HDAC4: variants seen among roughly 807,000 people sequenced by gnomAD.
The protein encoded by HDAC4 is histone deacetylase 4, also known as histone deacetylase A.
HDAC4 carries 16 observed loss-of-function variants against 135.1 expected under a neutral mutation model. The ratio of observed to expected loss-of-function variants is 0.12; its 90% CI spans 0.08 to 0.18. The LOEUF (loss-of-function observed/expected upper bound fraction) is 0.18. HDAC4 is among the 10% of genes least tolerant of loss of function. The pLI, the probability that HDAC4 is intolerant of heterozygous loss-of-function variation, is 1.00. For synonymous variants in HDAC4, 685 were observed against 653.4 expected (o/e 1.05, Z -0.74); for missense variants, 1,143 against 1,511.8 (o/e 0.76, Z 4.05).
At chr2:239,296,768 G>A (rs2051920097) in intron 2 of HDAC4, among the ~76,000 whole-genome samples, 1 of 152,156 alleles carries the variant, frequency 6.6e-6, no homozygotes, top group African/African-American at 2.4e-5. Context: ...GGGAGCATGG[G>A]AACCAGGACT....
At chr2:239,121,739 C>A (rs1347722622) in intron 12 of HDAC4, among the ~76,000 whole-genome samples, 2 of 152,244 alleles carry the variant, frequency 1.3e-5, no homozygotes, top group African/African-American at 4.8e-5. Context: ...AGTGGTGCCA[C>A]GTCAGAGCCC....
chr2:239,062,410 G>A (rs1309422185), intron 24 of HDAC4, among the ~76,000 whole-genome samples: 2 of 152,242 alleles, frequency 1.3e-5, no homozygotes, highest in East Asian at 1.9e-4. Context: ...AAAGGCTGCC[G>A]GGCAGAGGGG....
intron 1 of HDAC4, among the ~76,000 whole-genome samples, chr2:239,397,997 C>T (rs951842018): frequency 1.3e-5 from 2 of 152,236 alleles, no homozygotes; most frequent in Non-Finnish European, 2.9e-5. Flanking sequence ...CTGCCAACAA[C>T]AGGGCAGGGG....
chr2:239,053,762 GGCTACAAACTCACAA>G (rs1389809690), intron 25 of HDAC4, among the ~76,000 whole-genome samples, 161 bp from the exon 26 acceptor site: 1 of 152,180 alleles, frequency 6.6e-6, no homozygotes, highest in African/African-American at 2.4e-5. Context: ...AAGACTGCAT[GGCTACAAACTCACAA>G]AGACCCAAAA....
At chr2:239,114,669 CCCTG>C (rs1394923356) in intron 13 of HDAC4, among the ~76,000 whole-genome samples, 4 of 152,176 alleles carry the variant, frequency 2.6e-5, no homozygotes, top group East Asian at 1.9e-4. Flanking sequence ...TCTGATCAGG[CCCTG>C]CCTGCCTTTT....
rs149051053 is a variant in HDAC4 at position 239,254,778 on chromosome 2, G to T, written c.23-18114C>A. Among the ~76,000 whole-genome samples, 546 of 152,326 alleles carry T rather than the reference G, an allele frequency of 3.6e-3. 3 individuals carry two copies. Among genetic ancestry groups the T allele is most frequent in the African/African-American group, 0.012 (507 of 41,576 alleles). ...CAGAATTCAGACATAACAGTCCTTAGATTTAAGAAGCATGCTAAGTCTCTA... is the reference window on the plus strand; with the variant it reads ...CAGAATTCAGACATAACAGTCCTTATATTTAAGAAGCATGCTAAGTCTCTA... On this transcript the variant is annotated intron_variant, in intron 2 of 26. Coordinates refer to ENST00000543185, the MANE Select transcript of HDAC4 (RefSeq NM_001378414.1).
intron 1 of HDAC4, among the ~76,000 whole-genome samples, chr2:239,389,506 A>G (rs1575799336): frequency 6.6e-6 from 1 of 152,256 alleles, no homozygotes; most frequent in South Asian, 2.1e-4. Context: ...AAAGGTCTGC[A>G]GCTTCATTCT....
At chr2:239,387,250 C>T (rs1173806902) in intron 1 of HDAC4, among the ~76,000 whole-genome samples, 1 of 152,202 alleles carries the variant, frequency 6.6e-6, no homozygotes, top group Non-Finnish European at 1.5e-5. Context: ...CCCACTGAAG[C>T]AGCCGCGGGC....
chr2:239,237,672 C>T (rs1008558364), intron 2 of HDAC4, among the ~76,000 whole-genome samples: 1 of 151,676 alleles, frequency 6.6e-6, no homozygotes, highest in Non-Finnish European at 1.5e-5. Flanking sequence ...TATTCAAGAA[C>T]GGAAACAAGG....
rs974205190 is a variant in HDAC4, at chr2:239,086,774, T to G, written c.2444+785A>C. On this transcript the variant is annotated intron_variant, in intron 19 of 26. Transcript: ENST00000543185. ...ATCTGACAAACTGCTGCTCCAACTC[T>G]CCAAGGCAGAGCCCTATGCCACCTC... Among the ~76,000 whole-genome samples, 6 of 152,264 alleles carry G rather than the reference T, an allele frequency of 3.9e-5. No individual in the cohort carries two copies. In the South Asian group the frequency reaches 1.0e-3, roughly 26 times the overall value.
chr2:239,266,552 C>T (rs186796790), intron 2 of HDAC4, among the ~76,000 whole-genome samples: 185 of 152,322 alleles, frequency 1.2e-3, no homozygotes, highest in African/African-American at 4.2e-3. Context: ...CAAGAGTCCA[C>T]GATTTCATGA....
intron 2 of HDAC4, among the ~76,000 whole-genome samples, chr2:239,301,448 TAAATTCTGCTGGTG>T (rs1468003426): frequency 1.3e-5 from 2 of 151,040 alleles, no homozygotes; most frequent in Non-Finnish European, 2.9e-5. Flanking sequence ...CCCACATTTC[TAAATTCTGCTGGTG>T]CTTTCTTTCT....
intron 1 of HDAC4, among the ~76,000 whole-genome samples, chr2:239,378,613 C>T (rs550770321): frequency 1.1e-4 from 17 of 152,066 alleles, no homozygotes; most frequent in Admixed American, 7.9e-4. Flanking sequence ...GAAACGGCCC[C>T]GGGAACCAAG....
At chr2:239,053,430 C>A (rs2031207412) in intron 26 of HDAC4, 30 bp downstream of exon 26, 1 of 1,607,820 alleles carries the variant, frequency 6.2e-7, no homozygotes, top group Non-Finnish European at 8.5e-7. Context: ...CTGGGTGAGC[C>A]TGCAGGCGGG....
chr2:239,385,263 G>A (rs1316055409), intron 1 of HDAC4, among the ~76,000 whole-genome samples: 1 of 152,254 alleles, frequency 6.6e-6, no homozygotes, highest in African/African-American at 2.4e-5. Flanking sequence ...CCCTTAGCCA[G>A]AGGCGACACT....
intron 2 of HDAC4, among the ~76,000 whole-genome samples, chr2:239,332,719 T>C (rs1388993913): frequency 6.6e-6 from 1 of 150,948 alleles, no homozygotes; most frequent in Non-Finnish European, 1.5e-5. Flanking sequence ...ACAAAAATAA[T>C]AGCAATAAGA....
At chr2:239,162,469 A>G in intron 6 of HDAC4, 1 of 398,604 alleles carries the variant, frequency 2.5e-6, no homozygotes, top group South Asian at 1.8e-5. Context: ...CAGTAGGACA[A>G]TGGAGTTTCT....
At chr2:239,057,291 A>T (rs1232867378) in intron 24 of HDAC4, among the ~76,000 whole-genome samples, 2 of 152,266 alleles carry the variant, frequency 1.3e-5, no homozygotes, top group Non-Finnish European at 2.9e-5. Flanking sequence ...TAAAGATCGC[A>T]GTTACTGAAA....
At position 239,134,303 on chromosome 2, in the gene HDAC4, A is replaced by G. The variant is rs745726106; in HGVS notation, c.1236T>C (p.Pro412=). 1 of 1,613,644 alleles carries G rather than the reference A, an allele frequency of 6.2e-7. No individual in the cohort carries two copies. Among genetic ancestry groups the G allele is most frequent in the South Asian group, 1.1e-5 (1 of 91,076 alleles). The change falls in exon 11 of 27, where the codon CCT becomes CCC. Residue 412 remains proline, a synonymous_variant. Coordinates refer to ENST00000543185, the MANE Select transcript of HDAC4 (RefSeq NM_001378414.1). ...CCAGTAAGACCATGTGCTGCAGAAG[A>G]GGGCTGTGCGCTGCCCCTCCGTCCC... ...LERDGGAAHS[P]LLQHMVLLEQ... is the part of the protein sequence containing the mutation.
Sources: gnomAD v4.1 joint callset for allele counts (sites outside exome capture counted in the v4.1 genomes callset) on GRCh38, gnomAD v4.1.1 for gene constraint, MANE v1.5 for transcripts, NCBI Gene and HGNC (gene_info 2026-07-23, HGNC 2026-07-21) for gene names.